The following CSMD1 variants were observed in gnomAD, a reference collection of about 807,000 sequenced individuals.
CSMD1 encodes CUB and Sushi multiple domains 1.
Under a neutral mutation model 417.5 loss-of-function variants are expected in CSMD1, and 213 were observed. That is an observed-to-expected ratio of 0.51 (90% CI 0.46 to 0.57). The LOEUF is 0.57. Ranked by LOEUF, CSMD1 falls within the 20% of genes least tolerant of loss-of-function variation. CSMD1 has a pLI of 0.00. For missense variants in CSMD1, 6,923 were observed against 4,529.7 expected, an observed-to-expected ratio of 1.53 and a Z score of -15.17; for synonymous variants, 2,862 against 1,736.8, an observed-to-expected ratio of 1.65 and a Z score of -16.11.
chr8:4,885,616 T>C (rs75201877), intron 1 of CSMD1, among the ~76,000 whole-genome samples: 3,016 of 152,118 alleles, frequency 0.02, 128 homozygotes, highest in African/African-American at 0.068. Flanking sequence ...CCTGTTGATA[T>C]AGTATATCAC....
intron 7 of CSMD1, among the ~76,000 whole-genome samples, chr8:3,645,581 T>C (rs969814544): frequency 1.2e-4 from 19 of 152,070 alleles, no homozygotes; most frequent in African/African-American, 4.6e-4. Flanking sequence ...CTGCAAGGGA[T>C]CATGGGAAGA....
At chr8:4,731,289 C>A (rs1809849102) in intron 1 of CSMD1, among the ~76,000 whole-genome samples, 1 of 152,180 alleles carries the variant, frequency 6.6e-6, no homozygotes. Flanking sequence ...CCACCTTCCT[C>A]ATGGGATCCG....
chr8:3,073,802 A>T (rs1296193898), intron 49 of CSMD1, among the ~76,000 whole-genome samples: 2 of 152,220 alleles, frequency 1.3e-5, no homozygotes, highest in East Asian at 3.9e-4. Flanking sequence ...ACCAAAAAAA[A>T]AAAGTATTCT....
chr8:4,911,809 G>T (rs1324375708), intron 1 of CSMD1, among the ~76,000 whole-genome samples: 4 of 152,010 alleles, frequency 2.6e-5, no homozygotes, highest in African/African-American at 4.8e-5. Context: ...GATTGGAGTT[G>T]CTCATTAAAC....
chr8:3,683,554 C>G (rs1406434446), intron 7 of CSMD1, among the ~76,000 whole-genome samples: 2 of 152,120 alleles, frequency 1.3e-5, no homozygotes, highest in African/African-American at 4.8e-5. Context: ...TCATTTGAAA[C>G]CAAAAGAAAA....
chr8:4,581,390 G>A (rs1799411957), intron 2 of CSMD1, among the ~76,000 whole-genome samples: 1 of 152,138 alleles, frequency 6.6e-6, no homozygotes, highest in Non-Finnish European at 1.5e-5. Flanking sequence ...TAACTTATAT[G>A]TTTAAGATAT....
chr8:4,942,786 G>T (rs1808097066), intron 1 of CSMD1, among the ~76,000 whole-genome samples: 1 of 152,192 alleles, frequency 6.6e-6, no homozygotes, highest in African/African-American at 2.4e-5. Flanking sequence ...TGTAGCTAGG[G>T]AATTGGAAAC....
At chr8:3,753,444 G>T (rs1170275239) in intron 6 of CSMD1, among the ~76,000 whole-genome samples, 1 of 152,164 alleles carries the variant, frequency 6.6e-6, no homozygotes, top group African/African-American at 2.4e-5. Flanking sequence ...TTGCTCAGCT[G>T]CAGGAAATCC....
chr8:3,937,588 T>A (rs920283200), intron 5 of CSMD1, among the ~76,000 whole-genome samples: 2 of 152,164 alleles, frequency 1.3e-5, no homozygotes, highest in Non-Finnish European at 2.9e-5. Flanking sequence ...AATATAACTT[T>A]AATATGCACT....
chr8:4,134,696 G>C (rs1199962025), intron 3 of CSMD1, among the ~76,000 whole-genome samples: 1 of 152,016 alleles, frequency 6.6e-6, no homozygotes, highest in African/African-American at 2.4e-5. Context: ...TTTGATTTCT[G>C]TGAACCACAC....
intron 1 of CSMD1, among the ~76,000 whole-genome samples, chr8:4,890,957 T>C (rs956364983): frequency 6.6e-6 from 1 of 152,010 alleles, no homozygotes; most frequent in African/African-American, 2.4e-5. Context: ...AGGGAAAGTA[T>C]TGGTGGTGTT....
intron 1 of CSMD1, among the ~76,000 whole-genome samples, chr8:4,799,909 T>G (rs938008315): frequency 6.6e-6 from 1 of 152,184 alleles, no homozygotes; most frequent in Non-Finnish European, 1.5e-5. Context: ...TAAAATGAAC[T>G]ATGCATGCAG....
chr8:4,760,116 A>C lies in CSMD1; in HGVS notation c.86-122558T>G, dbSNP rs112284168. Among the ~76,000 whole-genome samples, 526 of 152,328 alleles carry C rather than the reference A, an allele frequency of 3.5e-3. 8 individuals carry two copies. The highest frequency in any genetic ancestry group is 0.012 in the African/African-American group (508 of 41,576). On this transcript the variant is annotated intron_variant, in intron 1 of 69. Coordinates refer to ENST00000635120, the MANE Select transcript of CSMD1 (RefSeq NM_033225.6). ...AATAAGCATCATTCTGACTGGCATG[A>C]GATCTAAGCATCTTAATGGCTCACA...
chr8:3,066,559 T>A (rs766565115), intron 49 of CSMD1, among the ~76,000 whole-genome samples: 1 of 152,194 alleles, frequency 6.6e-6, no homozygotes. Context: ...GGCTTCCTTG[T>A]GATATTTTGT....
chr8:3,445,396 A>C (rs146545912), intron 12 of CSMD1, among the ~76,000 whole-genome samples: 113 of 152,336 alleles, frequency 7.4e-4, no homozygotes, highest in African/African-American at 2.6e-3. Flanking sequence ...CTCAAGAGGC[A>C]GATATGACTG....
intron 3 of CSMD1, among the ~76,000 whole-genome samples, chr8:4,038,643 C>G (rs1797736942): frequency 6.6e-6 from 1 of 152,130 alleles, no homozygotes; most frequent in Admixed American, 6.6e-5. Context: ...ATAAACTCTA[C>G]TTTTAATTCT....
chr8:4,379,550 T>C (rs1192934731), intron 3 of CSMD1, among the ~76,000 whole-genome samples: 1 of 152,196 alleles, frequency 6.6e-6, no homozygotes, highest in East Asian at 1.9e-4. Context: ...TCTGTATTAT[T>C]TTTGCAATTT....
intron 3 of CSMD1, among the ~76,000 whole-genome samples, chr8:4,297,664 C>A (rs1797759451): frequency 1.3e-5 from 2 of 152,150 alleles, no homozygotes; most frequent in Admixed American, 1.3e-4. Flanking sequence ...TGGATTTTGA[C>A]TACTTTCTGC....
intron 4 of CSMD1, among the ~76,000 whole-genome samples, chr8:4,011,328 T>A (rs971507500): frequency 1.3e-5 from 2 of 152,198 alleles, no homozygotes; most frequent in African/African-American, 2.4e-5. Flanking sequence ...CGTGCTCCAA[T>A]TGCCCCCATT....
Sources: gnomAD v4.1 joint callset for allele counts (sites outside exome capture counted in the v4.1 genomes callset) on GRCh38, gnomAD v4.1.1 for gene constraint, MANE v1.5 for transcripts, NCBI Gene and HGNC (gene_info 2026-07-23, HGNC 2026-07-21) for gene names.